The following ZCCHC7 variants were observed in gnomAD, a reference collection of about 807,000 sequenced individuals.
ZCCHC7 encodes zinc finger CCHC-type containing 7, also known as zinc finger CCHC domain-containing protein 7.
Under a neutral mutation model 52.0 loss-of-function variants are expected in ZCCHC7, and 35 were observed. That is an observed-to-expected ratio of 0.67 (90% CI 0.51 to 0.89). ZCCHC7 has a LOEUF of 0.89. ZCCHC7 is among the 40% of genes least tolerant of loss of function. ZCCHC7 has a pLI of 0.00. For synonymous variants in ZCCHC7, 217 were observed against 221.5 expected (o/e 0.98, Z 0.18); for missense variants, 574 against 649.1 (o/e 0.88, Z 1.26).
intron 2 of ZCCHC7, among the ~76,000 whole-genome samples, chr9:37,231,467 T>G (rs1484070684): frequency 1.3e-5 from 2 of 152,226 alleles, no homozygotes; most frequent in Non-Finnish European, 2.9e-5. Context: ...ATATACTTTG[T>G]GTTTTATATT....
intron 2 of ZCCHC7, among the ~76,000 whole-genome samples, chr9:37,284,551 T>C (rs1018122332): frequency 2.6e-5 from 4 of 152,120 alleles, no homozygotes; most frequent in African/African-American, 9.7e-5. Context: ...TCAGGACATA[T>C]TATATGTATT....
intron 2 of ZCCHC7, among the ~76,000 whole-genome samples, chr9:37,275,752 C>G (rs1827655017): frequency 6.6e-6 from 1 of 152,178 alleles, no homozygotes; most frequent in Non-Finnish European, 1.5e-5. Flanking sequence ...AAGCGATTCT[C>G]CTGTCTCAGC....
intron 1 of ZCCHC7, among the ~76,000 whole-genome samples, chr9:37,121,836 CTGTT>C (rs1219109797): frequency 1.5e-4 from 23 of 152,294 alleles, no homozygotes; most frequent in East Asian, 1.9e-4. Flanking sequence ...ATACTGTGCT[CTGTT>C]TGTCTTTTGT....
intron 2 of ZCCHC7, among the ~76,000 whole-genome samples, chr9:37,140,771 G>A (rs951563744): frequency 6.6e-6 from 1 of 152,072 alleles, no homozygotes; most frequent in South Asian, 2.1e-4. Context: ...AGTTCAAGTC[G>A]ATTGCAATTC....
intron 2 of ZCCHC7, among the ~76,000 whole-genome samples, chr9:37,277,686 C>T (rs1827747172): frequency 6.6e-6 from 1 of 152,098 alleles, no homozygotes; most frequent in African/African-American, 2.4e-5. Flanking sequence ...CCAATTCTTA[C>T]TGATTTGGGG....
At chr9:37,188,196 C>T (rs1210442236) in intron 2 of ZCCHC7, among the ~76,000 whole-genome samples, 2 of 151,904 alleles carry the variant, frequency 1.3e-5, no homozygotes, top group Admixed American at 6.6e-5. Context: ...TGTCTCCCAG[C>T]GTGAAGTGCA....
intron 2 of ZCCHC7, among the ~76,000 whole-genome samples, chr9:37,183,316 T>C (rs921138550): frequency 1.3e-5 from 2 of 152,214 alleles, no homozygotes; most frequent in African/African-American, 4.8e-5. Context: ...ATATAAAATA[T>C]TAGTTCACCT....
chr9:37,240,736 A>C (rs957998724), intron 2 of ZCCHC7, among the ~76,000 whole-genome samples: 1 of 151,918 alleles, frequency 6.6e-6, no homozygotes, highest in African/African-American at 2.4e-5. Context: ...TGGGATAGAG[A>C]TGGCATACTT....
intron 2 of ZCCHC7, among the ~76,000 whole-genome samples, chr9:37,223,017 A>G (rs528382893): frequency 2.4e-4 from 37 of 152,194 alleles, no homozygotes; most frequent in Non-Finnish European, 3.4e-4. Flanking sequence ...ATATGTGTGT[A>G]TGTATGTATG....
At chr9:37,176,904 T>G (rs540309404) in intron 2 of ZCCHC7, among the ~76,000 whole-genome samples, 1 of 152,214 alleles carries the variant, frequency 6.6e-6, no homozygotes, top group Non-Finnish European at 1.5e-5. Flanking sequence ...AGTCAATATA[T>G]AGAGATAAGG....
chr9:37,296,093 A>C (rs1050405226), intron 2 of ZCCHC7, among the ~76,000 whole-genome samples: 6 of 152,172 alleles, frequency 3.9e-5, no homozygotes, highest in Admixed American at 1.3e-4. Flanking sequence ...TTACTTTTGC[A>C]CCAGCCTAAA....
rs1731204799 is a variant in ZCCHC7, at chr9:37,184,323, A to C, written c.610+57381A>C. Among the ~76,000 whole-genome samples the C allele has an allele frequency of 3.3e-5, 5 of 152,144 alleles. No individual in the cohort carries two copies. The South Asian group carries it at 1.0e-3, about 32-fold the overall frequency. ...AGGGGCTGGTTTGGATCATTGATAA[A>C]GTAAATTATTCCCTGTTTTACTTAA... On this transcript the variant is annotated intron_variant, in intron 2 of 8. Transcript: ENST00000336755.
intron 2 of ZCCHC7, among the ~76,000 whole-genome samples, chr9:37,200,235 ACT>A (rs1171837198): frequency 1.3e-5 from 2 of 148,910 alleles, no homozygotes; most frequent in South Asian, 2.1e-4. Context: ...TTATCTTTCA[ACT>A]CTCCTCCTTT....
chr9:37,207,464 G>T (rs1423101316), intron 2 of ZCCHC7, among the ~76,000 whole-genome samples: 1 of 144,258 alleles, frequency 6.9e-6, no homozygotes, highest in African/African-American at 2.6e-5. Flanking sequence ...TTTCCTGGTT[G>T]GAGATCAAAC....
intron 5 of ZCCHC7, among the ~76,000 whole-genome samples, chr9:37,309,648 C>T (rs576194228): frequency 3.9e-5 from 6 of 152,070 alleles, no homozygotes; most frequent in Non-Finnish European, 8.8e-5. Flanking sequence ...CAAGGCTGGG[C>T]GTGGTGGCTC....
At chr9:37,302,287 T>G in intron 3 of ZCCHC7, 56 bp downstream of exon 3, 1 of 1,394,944 alleles carries the variant, frequency 7.2e-7, no homozygotes, top group Non-Finnish European at 1.0e-6. Flanking sequence ...CTTCATAGTT[T>G]ATTATGATAA....
chr9:37,190,323 C>G (rs1044687336), intron 2 of ZCCHC7, among the ~76,000 whole-genome samples: 5 of 151,446 alleles, frequency 3.3e-5, no homozygotes, highest in Non-Finnish European at 7.4e-5. Flanking sequence ...TTCATTCTAT[C>G]TAAGTATTAG....
intron 2 of ZCCHC7, among the ~76,000 whole-genome samples, chr9:37,215,499 A>G (rs529663907): frequency 3.3e-5 from 5 of 152,346 alleles, no homozygotes; most frequent in African/African-American, 1.2e-4. Flanking sequence ...TGGTTATAAA[A>G]TGAATCTGAA....
At chr9:37,216,945 T>C (rs1026809515) in intron 2 of ZCCHC7, among the ~76,000 whole-genome samples, 1 of 152,134 alleles carries the variant, frequency 6.6e-6, no homozygotes, top group African/African-American at 2.4e-5. Context: ...AAATAAGATA[T>C]TCATATTTAC....
Sources: allele counts gnomAD v4.1 joint callset (sites outside exome capture counted in the v4.1 genomes callset), GRCh38; gene constraint gnomAD v4.1.1; transcripts MANE v1.5; gene names NCBI Gene and HGNC (gene_info 2026-07-23, HGNC 2026-07-21).